DLG2: variants seen among roughly 807,000 people sequenced by gnomAD.
DLG2 encodes the protein discs large MAGUK scaffold protein 2, also known as disks large homolog 2.
DLG2 carries 45 observed loss-of-function variants against 132.5 expected under a neutral mutation model. That is an observed-to-expected ratio of 0.34 (90% CI 0.27 to 0.44). The LOEUF (loss-of-function observed/expected upper bound fraction) is 0.44, where lower values mean the gene tolerates loss of function less well. Among genes scored for constraint, DLG2 ranks in the 20% least tolerant of loss-of-function variants. DLG2 has a pLI of 1.00. For synonymous variants in DLG2, 424 were observed against 419.6 expected, an observed-to-expected ratio of 1.01 and a Z score of -0.13; for missense variants, 1,045 against 1,196.9, an observed-to-expected ratio of 0.87 and a Z score of 1.87.
In DLG2 at chr11:84,948,959, T is replaced by G. The variant is rs149884239; in HGVS notation, c.357+162702A>C. 2.0e-3 allele frequency among the ~76,000 whole-genome samples: 309 copies of G among 152,332 alleles called. 1 individual carries two copies. Among genetic ancestry groups the G allele is most frequent in the African/African-American group, 7.2e-3 (300 of 41,574 alleles). Reference sequence around the variant, plus strand: ...ACATATTTGACAGTTACTGCGTTCATTATTTCTGTTGTTATTGAAAAGATC... The same window carrying G: ...ACATATTTGACAGTTACTGCGTTCAGTATTTCTGTTGTTATTGAAAAGATC... On this transcript the variant is annotated intron_variant, in intron 6 of 27. Transcript: ENST00000376104.
At chr11:84,425,455 A>G (rs2098963325) in intron 7 of DLG2, among the ~76,000 whole-genome samples, 1 of 152,152 alleles carries the variant, frequency 6.6e-6, no homozygotes, top group African/African-American at 2.4e-5. Flanking sequence ...AACACTCACT[A>G]AAGAAATGAC....
At chr11:85,627,062 G>T (rs2082071426) in intron 1 of DLG2, among the ~76,000 whole-genome samples, 156 bp downstream of exon 1, 2 of 152,116 alleles carry the variant, frequency 1.3e-5, no homozygotes, top group African/African-American at 4.8e-5. Context: ...ACTCAAATCT[G>T]TAGAGAAAAA....
chr11:85,273,172 A>G (rs2077654945), intron 4 of DLG2, among the ~76,000 whole-genome samples: 1 of 152,192 alleles, frequency 6.6e-6, no homozygotes, highest in Non-Finnish European at 1.5e-5. Context: ...CCTAGGCAAT[A>G]CCACTCAGGA....
At chr11:85,366,723 A>G (rs573434231) in intron 3 of DLG2, among the ~76,000 whole-genome samples, 24 of 152,230 alleles carry the variant, frequency 1.6e-4, no homozygotes, top group Admixed American at 9.2e-4. Flanking sequence ...TAAAGTATAC[A>G]TTTTGATGTA....
intron 4 of DLG2, among the ~76,000 whole-genome samples, chr11:85,234,749 T>C (rs1205841783): frequency 6.6e-6 from 1 of 152,008 alleles, no homozygotes; most frequent in Non-Finnish European, 1.5e-5. Context: ...GGGTTAAAAG[T>C]AATTTTTTAG....
intron 18 of DLG2, among the ~76,000 whole-genome samples, chr11:83,649,937 TAGAAAG>T (rs2069577821): frequency 6.6e-6 from 1 of 152,224 alleles, no homozygotes; most frequent in African/African-American, 2.4e-5. Flanking sequence ...TTAGTCAGAA[TAGAAAG>T]AGAAAGTTTT....
intron 11 of DLG2, among the ~76,000 whole-genome samples, chr11:83,997,730 C>CAAAAAAAA (rs71066079): frequency 3.6e-4 from 9 of 24,798 alleles, no homozygotes; most frequent in African/African-American, 1.0e-3. Flanking sequence ...GACTCCATCT[C>CAAAAAAAA]AAAAAAAAAA....
At chr11:84,139,997 A>T (rs1419927554) in intron 9 of DLG2, among the ~76,000 whole-genome samples, 1 of 152,126 alleles carries the variant, frequency 6.6e-6, no homozygotes, top group African/African-American at 2.4e-5. Flanking sequence ...TAAGAGAACT[A>T]TTTCTTTTGA....
chr11:85,492,695 A>C (rs1260193576), intron 3 of DLG2, among the ~76,000 whole-genome samples: 1 of 145,654 alleles, frequency 6.9e-6, no homozygotes, highest in Non-Finnish European at 1.5e-5. Flanking sequence ...TTGGGAGGGT[A>C]TATTTGGGAT....
intron 15 of DLG2, among the ~76,000 whole-genome samples, chr11:83,928,963 T>C (rs1292236651): frequency 6.6e-6 from 1 of 152,176 alleles, no homozygotes; most frequent in East Asian, 1.9e-4. Flanking sequence ...AGCTTTAAAA[T>C]GGCATAGTTC....
intron 3 of DLG2, among the ~76,000 whole-genome samples, chr11:85,538,900 C>T (rs2075783907): frequency 6.6e-6 from 1 of 151,782 alleles, no homozygotes; most frequent in Non-Finnish European, 1.5e-5. Flanking sequence ...GGCTTAATAC[C>T]TAGGTGATGG....
intron 10 of DLG2, among the ~76,000 whole-genome samples, chr11:84,062,572 C>T (rs566418559): frequency 2.0e-4 from 30 of 152,122 alleles, no homozygotes; most frequent in Admixed American, 3.9e-4. Context: ...TTTGTTCTTA[C>T]TTAAACAATT....
intron 7 of DLG2, among the ~76,000 whole-genome samples, chr11:84,333,994 T>C (rs1017253708): frequency 4.6e-5 from 7 of 152,134 alleles, no homozygotes; most frequent in African/African-American, 1.4e-4. Flanking sequence ...GCTACCAAAC[T>C]ATAGGGCCTG....
At chr11:85,506,973 G>T (rs1247406000) in intron 3 of DLG2, among the ~76,000 whole-genome samples, 3 of 151,440 alleles carry the variant, frequency 2.0e-5, no homozygotes, top group African/African-American at 7.3e-5. Context: ...ATTATGTAAT[G>T]GCCTTGTCTC....
chr11:85,005,742 G>C (rs1227830), intron 6 of DLG2, among the ~76,000 whole-genome samples: 22,711 of 151,980 alleles, frequency 0.15, 1,824 homozygotes, highest in East Asian at 0.28. Context: ...TGATTGCCCT[G>C]GCCAGAACTT....
chr11:85,003,196 A>G (rs1336856768), intron 6 of DLG2, among the ~76,000 whole-genome samples: 2 of 152,148 alleles, frequency 1.3e-5, no homozygotes, highest in African/African-American at 4.8e-5. Context: ...TTAATATGTA[A>G]TGATCCATTC....
intron 8 of DLG2, among the ~76,000 whole-genome samples, chr11:84,185,501 A>G (rs1340266043): frequency 2.0e-5 from 3 of 152,100 alleles, no homozygotes; most frequent in African/African-American, 4.8e-5. Flanking sequence ...TAGATATACA[A>G]TCGTGTCATC....
intron 3 of DLG2, among the ~76,000 whole-genome samples, chr11:85,380,777 T>A (rs1392563390): frequency 1.3e-5 from 2 of 152,220 alleles, no homozygotes; most frequent in Non-Finnish European, 2.9e-5. Flanking sequence ...TTTATTTCTA[T>A]AGAGGCTATT....
At chr11:85,292,884 C>T (rs543436123) in intron 3 of DLG2, among the ~76,000 whole-genome samples, 20 of 151,874 alleles carry the variant, frequency 1.3e-4, no homozygotes, top group Non-Finnish European at 2.8e-4. Flanking sequence ...AGGATGAGAA[C>T]AAGGAAATTA....
Sources: gnomAD v4.1 joint callset for allele counts (sites outside exome capture counted in the v4.1 genomes callset) on GRCh38, gnomAD v4.1.1 for gene constraint, MANE v1.5 for transcripts, NCBI Gene and HGNC (gene_info 2026-07-23, HGNC 2026-07-21) for gene names.